Variants in RAD51B observed in about 807,000 individuals in gnomAD.
The protein encoded by RAD51B is RAD51 paralog B, also known as DNA repair protein RAD51 homolog 2.
In RAD51B, 38 loss-of-function variants were observed where a neutral mutation model predicts 42.2. The observed-to-expected ratio is 0.90, with a 90% confidence interval of 0.70 to 1.18. The LOEUF is 1.18. RAD51B is among the 50% of genes most tolerant of loss of function. The probability of loss-of-function intolerance (pLI) is 0.00; values close to 1 mark genes in which losing one functional copy is unlikely to be tolerated. For synonymous variants in RAD51B, 154 were observed against 145.2 expected (o/e 1.06, Z -0.43); for missense variants, 373 against 400.7 (o/e 0.93, Z 0.59).
At chr14:68,426,353 G>A (rs1055777392) in intron 9 of RAD51B, among the ~76,000 whole-genome samples, 1 of 151,950 alleles carries the variant, frequency 6.6e-6, no homozygotes, top group African/African-American at 2.4e-5. Flanking sequence ...TGGGATTACA[G>A]GCGTGAGCCA....
intron 7 of RAD51B, among the ~76,000 whole-genome samples, chr14:67,974,297 T>G (rs1455114567): frequency 6.6e-6 from 1 of 152,030 alleles, no homozygotes; most frequent in Non-Finnish European, 1.5e-5. Flanking sequence ...GAAAGAAAAC[T>G]CCTATTACTT....
At chr14:67,942,392 A>T (rs2045240220) in intron 7 of RAD51B, among the ~76,000 whole-genome samples, 1 of 152,218 alleles carries the variant, frequency 6.6e-6, no homozygotes. Context: ...TATGGAAATC[A>T]CAATGTAGCA....
chr14:68,203,676 G>A (rs1418677368), intron 7 of RAD51B, among the ~76,000 whole-genome samples: 1 of 152,120 alleles, frequency 6.6e-6, no homozygotes, highest in Non-Finnish European at 1.5e-5. Flanking sequence ...CCAATATGAG[G>A]CTATTTTGTC....
chr14:67,828,044 A>G (rs2040892609), intron 3 of RAD51B, among the ~76,000 whole-genome samples: 1 of 152,142 alleles, frequency 6.6e-6, no homozygotes, highest in Non-Finnish European at 1.5e-5. Flanking sequence ...TTCTGCCTCT[A>G]GGTCTTTGAG....
intron 7 of RAD51B, among the ~76,000 whole-genome samples, chr14:68,005,881 T>G (rs2075582607): frequency 6.6e-6 from 1 of 152,108 alleles, no homozygotes; most frequent in African/African-American, 2.4e-5. Context: ...CTTTGAATCA[T>G]GGCAAAAGAC....
chr14:67,957,996 A>C (rs1055528366), intron 7 of RAD51B, among the ~76,000 whole-genome samples: 1 of 152,236 alleles, frequency 6.6e-6, no homozygotes, highest in Admixed American at 6.5e-5. Flanking sequence ...AGAATATTAT[A>C]TGTATTATAC....
At chr14:68,561,114 C>T (rs1425964874) in intron 10 of RAD51B, among the ~76,000 whole-genome samples, 1 of 152,202 alleles carries the variant, frequency 6.6e-6, no homozygotes, top group African/African-American at 2.4e-5. Flanking sequence ...CTCTGCCACT[C>T]CTGACTTCCT....
At chr14:68,625,412 C>T (rs555590552) in intron 10 of RAD51B, among the ~76,000 whole-genome samples, 7 of 152,324 alleles carry the variant, frequency 4.6e-5, no homozygotes, top group Non-Finnish European at 8.8e-5. Flanking sequence ...TGCCCTCATC[C>T]TGCTTTTCTC....
chr14:67,884,087 G>T (rs991538305), intron 5 of RAD51B, among the ~76,000 whole-genome samples: 2 of 152,012 alleles, frequency 1.3e-5, no homozygotes, highest in East Asian at 1.9e-4. Context: ...ATTTATATTT[G>T]GTTTTTGATT....
intron 7 of RAD51B, among the ~76,000 whole-genome samples, chr14:67,942,597 A>G (rs2045246258): frequency 6.6e-6 from 1 of 152,200 alleles, no homozygotes. Flanking sequence ...TAGTAGAAGA[A>G]TTGAGAAATA....
In RAD51B at chr14:68,215,289, C is replaced by T. The variant is rs74900027; in HGVS notation, c.757-76595C>T. 2.0e-3 allele frequency among the ~76,000 whole-genome samples: 311 copies of T among 152,194 alleles called. 3 individuals are homozygous for T. Among genetic ancestry groups the T allele is most frequent in the East Asian group, 0.014 (73 of 5,176 alleles). On this transcript the variant is annotated intron_variant, in intron 7 of 10. Coordinates refer to ENST00000471583, the MANE Select transcript of RAD51B (RefSeq NM_133510.4). The stretch of plus-strand genomic sequence containing the variant: ...ATATTTGAAGGTTGTTTTCATCTTC[C>T]TCTTCAGTTTTTCTCTTTTCTCTTT...
chr14:67,926,841 C>T (rs1371583886), intron 7 of RAD51B, among the ~76,000 whole-genome samples: 11 of 152,096 alleles, frequency 7.2e-5, no homozygotes, highest in South Asian at 2.1e-4. Flanking sequence ...GAATTACAGA[C>T]GTGAGCCACC....
chr14:67,902,860 T>A (rs532221035), intron 7 of RAD51B, among the ~76,000 whole-genome samples: 1 of 152,232 alleles, frequency 6.6e-6, no homozygotes, highest in Admixed American at 6.5e-5. Flanking sequence ...AAACTTCTTT[T>A]TTTTTTGAAG....
At chr14:68,338,919 A>G in intron 8 of RAD51B, 1 of 656,554 alleles carries the variant, frequency 1.5e-6, no homozygotes, top group Non-Finnish European at 2.8e-6. Context: ...CTTTGTGAAG[A>G]CAACAGTGGT....
intron 7 of RAD51B, among the ~76,000 whole-genome samples, chr14:68,219,638 G>A (rs993627048): frequency 3.3e-5 from 5 of 152,018 alleles, no homozygotes; most frequent in African/African-American, 9.7e-5. Flanking sequence ...TCCTGAGAGC[G>A]GAGCACCACC....
At chr14:68,474,266 C>T (rs948138253) in intron 10 of RAD51B, among the ~76,000 whole-genome samples, 6 of 152,142 alleles carry the variant, frequency 3.9e-5, no homozygotes, top group African/African-American at 1.4e-4. Context: ...AATTGCTCTC[C>T]AAAGACTTTT....
At chr14:68,221,165 C>T (rs2079918489) in intron 7 of RAD51B, among the ~76,000 whole-genome samples, 1 of 152,166 alleles carries the variant, frequency 6.6e-6, no homozygotes, top group Non-Finnish European at 1.5e-5. Context: ...TAAAATACCA[C>T]CAACATTCTT....
intron 10 of RAD51B, among the ~76,000 whole-genome samples, chr14:68,471,395 C>T (rs1391460618): frequency 6.6e-6 from 1 of 152,064 alleles, no homozygotes; most frequent in East Asian, 1.9e-4. Flanking sequence ...CTGAAGAACT[C>T]CTGAGTGCTC....
At chr14:67,988,363 G>A (rs1394207007) in intron 7 of RAD51B, among the ~76,000 whole-genome samples, 5 of 152,142 alleles carry the variant, frequency 3.3e-5, no homozygotes, top group African/African-American at 4.8e-5. Flanking sequence ...GGAGGCTGAG[G>A]CAGGAGAATT....
Sources: gnomAD v4.1 joint callset for allele counts (sites outside exome capture counted in the v4.1 genomes callset) on GRCh38, gnomAD v4.1.1 for gene constraint, MANE v1.5 for transcripts, NCBI Gene and HGNC (gene_info 2026-07-23, HGNC 2026-07-21) for gene names.